Variants in ZFHX3 observed in about 807,000 individuals in gnomAD.
ZFHX3 encodes the protein zinc finger homeobox 3, also known as zinc finger homeobox protein 3.
ZFHX3 carries 42 observed loss-of-function variants against 279.1 expected under a neutral mutation model. That is an observed-to-expected ratio of 0.15 (90% confidence interval 0.12 to 0.19). The LOEUF (loss-of-function observed/expected upper bound fraction) is 0.19. Among genes scored for constraint, ZFHX3 ranks in the 10% least tolerant of loss-of-function variants. ZFHX3 has a pLI of 1.00. For synonymous variants in ZFHX3, 2,293 were observed against 1,957.8 expected (o/e 1.17, Z -4.52); for missense variants, 4,981 against 4,754.0 (o/e 1.05, Z -1.40).
intron 3 of ZFHX3, among the ~76,000 whole-genome samples, chr16:72,947,199 G>A (rs75077088): frequency 6.6e-6 from 1 of 152,204 alleles, no homozygotes; most frequent in Non-Finnish European, 1.5e-5. Flanking sequence ...GGATGCCTCG[G>A]GCCCTGCGGC....
At chr16:73,443,759 T>C (rs964161802) in intron 3 of ZFHX3, among the ~76,000 whole-genome samples, 4 of 152,040 alleles carry the variant, frequency 2.6e-5, no homozygotes, top group Non-Finnish European at 5.9e-5. Flanking sequence ...ACTCCTTGGC[T>C]TTTTTTCTTT....
chr16:72,893,590 T>C (rs2038823800), intron 3 of ZFHX3, among the ~76,000 whole-genome samples: 2 of 152,220 alleles, frequency 1.3e-5, no homozygotes, highest in Admixed American at 1.3e-4. Context: ...CTCCACACTC[T>C]AGCTCATGTT....
In ZFHX3 at chr16:72,947,824, C is replaced by T. The variant is rs184223375; in HGVS notation, c.3216+2645G>A. 1.9e-3 allele frequency among the ~76,000 whole-genome samples: 284 copies of T among 152,234 alleles called. 1 individual carries two copies. Among genetic ancestry groups the T allele is most frequent in the African/African-American group, 6.6e-3 (276 of 41,538 alleles). ...CAGACAGTAAAGAACTCGATTACAT[C>T]CAGTTAACTGTGCTCTAAACTGATT... On this transcript the variant is annotated intron_variant, in intron 3 of 9. Transcript: ENST00000268489.
At chr16:73,656,214 C>A (rs2052719606) in intron 2 of ZFHX3, among the ~76,000 whole-genome samples, 1 of 152,212 alleles carries the variant, frequency 6.6e-6, no homozygotes, top group Admixed American at 6.5e-5. Flanking sequence ...GTACCTGCCA[C>A]AGAAATCATG....
At chr16:72,904,589 G>A (rs983569270) in intron 3 of ZFHX3, among the ~76,000 whole-genome samples, 4 of 151,870 alleles carry the variant, frequency 2.6e-5, no homozygotes, top group Non-Finnish European at 2.9e-5. Context: ...TTAGACTTGT[G>A]TCAGTTCCCA....
intron 2 of ZFHX3, among the ~76,000 whole-genome samples, chr16:73,578,741 C>G (rs74708800): frequency 0.016 from 2,488 of 152,076 alleles, 81 homozygotes; most frequent in African/African-American, 0.056. Context: ...TTTTATGAAA[C>G]TTTTCAAACA....
intron 5 of ZFHX3, among the ~76,000 whole-genome samples, chr16:72,814,944 C>T (rs1165452143): frequency 6.6e-6 from 1 of 152,172 alleles, no homozygotes; most frequent in Non-Finnish European, 1.5e-5. Context: ...TCTATAAACA[C>T]CCAGTTACAA....
At chr16:72,816,165 AT>A (rs1294624491) in intron 5 of ZFHX3, among the ~76,000 whole-genome samples, 2 of 152,214 alleles carry the variant, frequency 1.3e-5, no homozygotes, top group Non-Finnish European at 2.9e-5. Context: ...TAGTCATTTT[AT>A]TTTTAATATT....
intron 3 of ZFHX3, among the ~76,000 whole-genome samples, chr16:73,426,492 A>T (rs1172061153): frequency 6.6e-6 from 1 of 152,008 alleles, no homozygotes; most frequent in African/African-American, 2.4e-5. Context: ...GAATTATGAA[A>T]ACCATTCTCA....
intron 2 of ZFHX3, among the ~76,000 whole-genome samples, chr16:72,953,092 A>C (rs1961073342): frequency 6.6e-6 from 1 of 152,184 alleles, no homozygotes; most frequent in South Asian, 2.1e-4. Flanking sequence ...TCGAGTGATA[A>C]GATCAGTACA....
At chr16:73,662,329 C>T (rs71388981) in intron 2 of ZFHX3, among the ~76,000 whole-genome samples, 32 of 152,080 alleles carry the variant, frequency 2.1e-4, no homozygotes, top group Non-Finnish European at 2.6e-4. Flanking sequence ...TTCTTTTTTT[C>T]TCTCTCACGC....
intron 4 of ZFHX3, among the ~76,000 whole-genome samples, chr16:72,881,696 G>A (rs761109589): frequency 3.3e-5 from 5 of 152,170 alleles, no homozygotes; most frequent in African/African-American, 4.8e-5. Flanking sequence ...GGATCCATAT[G>A]GGAGGGGTCT....
At chr16:73,715,560 G>GTTTT (rs1444422827) in intron 1 of ZFHX3, among the ~76,000 whole-genome samples, 1 of 125,092 alleles carries the variant, frequency 8.0e-6, no homozygotes, top group African/African-American at 3.3e-5. Flanking sequence ...ACCACAGCTG[G>GTTTT]TCTTTTTTTT....
At chr16:73,328,093 T>C (rs2015729475) in intron 3 of ZFHX3, among the ~76,000 whole-genome samples, 1 of 152,204 alleles carries the variant, frequency 6.6e-6, no homozygotes, top group African/African-American at 2.4e-5. Context: ...TTTTATTTTT[T>C]AAAGGCAGAG....
chr16:73,614,560 C>T (rs754630173), intron 2 of ZFHX3, among the ~76,000 whole-genome samples: 3 of 152,108 alleles, frequency 2.0e-5, no homozygotes, highest in Non-Finnish European at 2.9e-5. Context: ...TACATGTCTT[C>T]ACTTTTATTG....
intron 2 of ZFHX3, among the ~76,000 whole-genome samples, chr16:73,478,584 C>T (rs943186219): frequency 1.3e-5 from 2 of 152,262 alleles, no homozygotes; most frequent in Admixed American, 6.5e-5. Context: ...TTCACTTAAG[C>T]AAATGTCCAA....
chr16:73,788,834 T>G (rs1555501705), intron 1 of ZFHX3, among the ~76,000 whole-genome samples: 1 of 151,350 alleles, frequency 6.6e-6, no homozygotes, highest in Non-Finnish European at 1.5e-5. Context: ...ATTAGCTGGG[T>G]GTGCCGGCAC....
At chr16:73,010,922 T>C (rs1160586980) in intron 1 of ZFHX3, among the ~76,000 whole-genome samples, 1 of 152,118 alleles carries the variant, frequency 6.6e-6, no homozygotes, top group African/African-American at 2.4e-5. Flanking sequence ...CTCCCAAGTC[T>C]ACCTCCCGAG....
chr16:73,105,697 G>A (rs1966295348), intron 7 of ZFHX3, among the ~76,000 whole-genome samples: 1 of 152,120 alleles, frequency 6.6e-6, no homozygotes, highest in South Asian at 2.1e-4. Context: ...AGGTTGCAAT[G>A]GGCTGAGATC....
Sources: gnomAD v4.1 joint callset for allele counts (sites outside exome capture counted in the v4.1 genomes callset) on GRCh38, gnomAD v4.1.1 for gene constraint, MANE v1.5 for transcripts, NCBI Gene and HGNC (gene_info 2026-07-23, HGNC 2026-07-21) for gene names.